Variants in CNTNAP5 observed in about 807,000 individuals in gnomAD.
CNTNAP5 encodes contactin associated protein family member 5.
CNTNAP5 carries 72 observed loss-of-function variants against 150.2 expected under a neutral mutation model. The observed-to-expected ratio is 0.48, with a 90% CI of 0.40 to 0.58. The LOEUF (loss-of-function observed/expected upper bound fraction) is 0.58, where lower values mean the gene tolerates loss of function less well. Ranked by LOEUF, CNTNAP5 falls within the 20% of genes least tolerant of loss-of-function variation. The pLI, the probability that CNTNAP5 is intolerant of heterozygous loss-of-function variation, is 0.00. For missense variants in CNTNAP5, 1,636 were observed against 1,626.2 expected, an observed-to-expected ratio of 1.01 and a Z score of -0.10; for synonymous variants, 672 against 619.8, an observed-to-expected ratio of 1.08 and a Z score of -1.25.
At chr2:124,913,951 C>A in intron 23 of CNTNAP5, 141 bp from the exon 24 acceptor site, 3 of 572,386 alleles carry the variant, frequency 5.2e-6, no homozygotes, top group Admixed American at 3.3e-5. Flanking sequence ...TATTTCTGGG[C>A]AGGTGGCAGA....
rs141221413 is a variant in CNTNAP5 at position 124,334,954 on chromosome 2, A to T, written c.382-82489A>T. Among the ~76,000 whole-genome samples the T allele has an allele frequency of 4.9e-3, 750 of 152,230 alleles. 5 individuals are homozygous for T. The highest frequency in any genetic ancestry group is 0.016 in the African/African-American group (680 of 41,530). ...ATGAACCCCTTTATGGAATGACTAG[A>T]TGCTAAATCTCCAAGTTCAGAATAA... On this transcript the variant is annotated intron_variant, in intron 3 of 23. Coordinates refer to ENST00000682447, the MANE Select transcript of CNTNAP5 (RefSeq NM_001367498.1).
intron 17 of CNTNAP5, among the ~76,000 whole-genome samples, chr2:124,784,588 G>T (rs1460694291): frequency 6.6e-6 from 1 of 152,210 alleles, no homozygotes; most frequent in African/African-American, 2.4e-5. Flanking sequence ...CAAAAAGACT[G>T]ATAGAGAATC....
At chr2:124,525,376 G>A (rs762957260) in intron 9 of CNTNAP5, among the ~76,000 whole-genome samples, 12 of 152,204 alleles carry the variant, frequency 7.9e-5, no homozygotes, top group Non-Finnish European at 1.5e-4. Flanking sequence ...GTAAGCATAT[G>A]GCAGAGTGTG....
intron 4 of CNTNAP5, among the ~76,000 whole-genome samples, chr2:124,434,217 C>G (rs1692466725): frequency 6.6e-6 from 1 of 152,186 alleles, no homozygotes; most frequent in South Asian, 2.1e-4. Context: ...TCCCCTCCAG[C>G]AAAAGCTGAC....
chr2:124,081,168 G>GT (rs956506375), intron 1 of CNTNAP5, among the ~76,000 whole-genome samples: 31 of 149,006 alleles, frequency 2.1e-4, no homozygotes, highest in East Asian at 7.8e-4. Flanking sequence ...AGATGTACTG[G>GT]TTTTTTTTTT....
At chr2:124,346,517 G>C (rs553232447) in intron 3 of CNTNAP5, among the ~76,000 whole-genome samples, 57 of 152,178 alleles carry the variant, frequency 3.7e-4, no homozygotes, top group Admixed American at 1.1e-3. Flanking sequence ...AATTTTAATA[G>C]TGCTATCTAA....
intron 11 of CNTNAP5, among the ~76,000 whole-genome samples, chr2:124,592,739 G>C (rs1198040123): frequency 6.6e-6 from 1 of 151,820 alleles, no homozygotes; most frequent in Non-Finnish European, 1.5e-5. Context: ...ATGTGTTTTA[G>C]ATTTATTTGC....
At chr2:124,815,530 C>T (rs1259701839) in intron 19 of CNTNAP5, among the ~76,000 whole-genome samples, 1 of 152,146 alleles carries the variant, frequency 6.6e-6, no homozygotes, top group East Asian at 1.9e-4. Flanking sequence ...GCCGAGCTTT[C>T]GTCTCATGCT....
chr2:124,508,288 T>G (rs1694461135), intron 8 of CNTNAP5, among the ~76,000 whole-genome samples: 1 of 152,222 alleles, frequency 6.6e-6, no homozygotes. Context: ...TAAAATTTAT[T>G]AGATTTCCAG....
At position 124,869,339 on chromosome 2, in the gene CNTNAP5, A is replaced by G. The variant is rs1173620954; in HGVS notation, c.3349-336A>G. Among the ~76,000 whole-genome samples, 6 of 152,166 alleles carry G rather than the reference A, an allele frequency of 3.9e-5. No homozygotes were observed. The East Asian group carries it at 1.2e-3, about 29-fold the overall frequency. ...CCTATTAATGTTAATCTTGCACAGC[A>G]AGTTCCTGAGCAGGTTTCATTTGTT... On this transcript the variant is annotated intron_variant, in intron 20 of 23. Coordinates refer to ENST00000682447, the MANE Select transcript of CNTNAP5 (RefSeq NM_001367498.1).
chr2:124,456,575 A>G (rs1399702378), intron 6 of CNTNAP5, among the ~76,000 whole-genome samples: 1 of 152,154 alleles, frequency 6.6e-6, no homozygotes, highest in Non-Finnish European at 1.5e-5. Flanking sequence ...CAATTGTAAA[A>G]TTCATATGGA....
chr2:124,613,911 C>T (rs181788582), intron 12 of CNTNAP5, among the ~76,000 whole-genome samples: 38 of 152,260 alleles, frequency 2.5e-4, no homozygotes, highest in Admixed American at 1.4e-3. Flanking sequence ...GGGTGCCATC[C>T]TTGGAACTAT....
chr2:124,084,924 G>GTTTTTTTTTTTTTTTTTTTTTTTTTTTTT (rs71394021), intron 1 of CNTNAP5, among the ~76,000 whole-genome samples: 1 of 89,980 alleles, frequency 1.1e-5, no homozygotes. Flanking sequence ...CAAGTTTCCT[G>GTTTTTTTTTTTTTTTTTTTTTTTTTTTTT]TTTTTTTTTT....
chr2:124,720,734 T>G (rs902717211), intron 13 of CNTNAP5, among the ~76,000 whole-genome samples: 4 of 152,286 alleles, frequency 2.6e-5, no homozygotes, highest in Admixed American at 2.6e-4. Flanking sequence ...TTGAATCAAT[T>G]TGCTATAGCA....
At chr2:124,835,065 A>T (rs1271721672) in intron 19 of CNTNAP5, among the ~76,000 whole-genome samples, 1 of 152,068 alleles carries the variant, frequency 6.6e-6, no homozygotes, top group East Asian at 1.9e-4. Context: ...TAAAACAGGG[A>T]TCATAATTAA....
At chr2:124,069,474 T>C (rs189803465) in intron 1 of CNTNAP5, among the ~76,000 whole-genome samples, 17 of 152,170 alleles carry the variant, frequency 1.1e-4, no homozygotes, top group Admixed American at 3.3e-4. Flanking sequence ...TGATTGTAGA[T>C]CCCTAGGGAC....
chr2:124,908,410 A>C (rs1181085626), intron 22 of CNTNAP5, among the ~76,000 whole-genome samples: 1 of 152,072 alleles, frequency 6.6e-6, no homozygotes, highest in Admixed American at 6.6e-5. Flanking sequence ...AACAAAACAA[A>C]AAAACAGAAA....
At chr2:124,867,420 T>C (rs1489760601) in intron 20 of CNTNAP5, among the ~76,000 whole-genome samples, 1 of 152,156 alleles carries the variant, frequency 6.6e-6, no homozygotes, top group African/African-American at 2.4e-5. Flanking sequence ...TGCAGCAAAA[T>C]TGTACTTCTC....
At chr2:124,524,737 G>A (rs1573435534) in intron 9 of CNTNAP5, among the ~76,000 whole-genome samples, 1 of 152,278 alleles carries the variant, frequency 6.6e-6, no homozygotes, top group South Asian at 2.1e-4. Context: ...GATTTTTGTA[G>A]CCATGCCAAG....
Sources: gnomAD v4.1 joint callset for allele counts (sites outside exome capture counted in the v4.1 genomes callset) on GRCh38, gnomAD v4.1.1 for gene constraint, MANE v1.5 for transcripts, NCBI Gene and HGNC (gene_info 2026-07-23, HGNC 2026-07-21) for gene names.